Variants in NCAM2 observed in about 807,000 individuals in gnomAD.
The protein encoded by NCAM2 is N-CAM-2.
A neutral mutation model predicts 98.1 loss-of-function variants in NCAM2; 30 were observed. The ratio of observed to expected loss-of-function variants is 0.31; its 90% CI spans 0.23 to 0.41. The LOEUF is 0.41. NCAM2 is among the 10% of genes least tolerant of loss of function. NCAM2 has a pLI of 1.00. For missense variants in NCAM2, 867 were observed against 1,005.8 expected, an observed-to-expected ratio of 0.86 and a Z score of 1.87; for synonymous variants, 368 against 342.4, an observed-to-expected ratio of 1.07 and a Z score of -0.83.
intron 1 of NCAM2, among the ~76,000 whole-genome samples, chr21:21,158,105 C>T (rs987737787): frequency 2.6e-5 from 4 of 151,922 alleles, no homozygotes; most frequent in Non-Finnish European, 5.9e-5. Flanking sequence ...AGAAGGCATA[C>T]GTATAGAATA....
intron 1 of NCAM2, among the ~76,000 whole-genome samples, chr21:21,234,530 G>A (rs1464898825): frequency 2.0e-5 from 3 of 151,830 alleles, no homozygotes; most frequent in African/African-American, 2.4e-5. Context: ...TTGAAGTATC[G>A]ATTTATTTCC....
chr21:21,077,557 A>C (rs2065705456), intron 1 of NCAM2, among the ~76,000 whole-genome samples: 1 of 152,204 alleles, frequency 6.6e-6, no homozygotes, highest in Admixed American at 6.5e-5. Flanking sequence ...TGCTCTAAAA[A>C]ACCAGGACCT....
At chr21:21,244,166 G>A (rs2071174283) in intron 1 of NCAM2, among the ~76,000 whole-genome samples, 1 of 152,000 alleles carries the variant, frequency 6.6e-6, no homozygotes, top group Admixed American at 6.6e-5. Context: ...AGGAACACAG[G>A]CCATCCTCTT....
intron 12 of NCAM2, chr21:21,463,702 C>T (rs955178104): frequency 2.6e-5 from 4 of 152,080 alleles, no homozygotes; most frequent in Admixed American, 2.0e-4. Flanking sequence ...TACAGTGTAA[C>T]TAAGGAAATA....
At chr21:21,024,870 G>A (rs2064510699) in intron 1 of NCAM2, among the ~76,000 whole-genome samples, 1 of 150,978 alleles carries the variant, frequency 6.6e-6, no homozygotes, top group South Asian at 2.1e-4. Flanking sequence ...CTGGGCCAGA[G>A]AGGGTGACTC....
At chr21:21,245,012 A>C (rs1480604619) in intron 1 of NCAM2, among the ~76,000 whole-genome samples, 1 of 152,166 alleles carries the variant, frequency 6.6e-6, no homozygotes, top group East Asian at 1.9e-4. Flanking sequence ...AATAACCAGT[A>C]TTCAAGGGGG....
At chr21:21,390,681 T>G (rs747072260) in intron 9 of NCAM2, among the ~76,000 whole-genome samples, 1 of 152,212 alleles carries the variant, frequency 6.6e-6, no homozygotes, top group Non-Finnish European at 1.5e-5. Context: ...TGTTATATAT[T>G]TTTCTTTATT....
At chr21:21,118,121 C>T (rs2066600302) in intron 1 of NCAM2, among the ~76,000 whole-genome samples, 1 of 152,170 alleles carries the variant, frequency 6.6e-6, no homozygotes, top group East Asian at 1.9e-4. Context: ...CCTACCTAGA[C>T]TCTCAGCAAC....
rs113185727 is a variant in NCAM2 at position 21,006,621 on chromosome 21, T to C, written c.55+8003T>C. The stretch of plus-strand genomic sequence containing the variant: ...TTACAGAGAAAGCCTTAGCAAGCTA[T>C]GAAGACATTAAGAAAAATATGAAAA... On this transcript the variant is annotated intron_variant, in intron 1 of 17. Coordinates refer to ENST00000400546, the MANE Select transcript of NCAM2 (RefSeq NM_004540.5). Among the ~76,000 whole-genome samples, 8 of 152,302 alleles carry C rather than the reference T, an allele frequency of 5.3e-5. 1 individual carries two copies. Among genetic ancestry groups the C allele is most frequent in the African/African-American group, 1.7e-4 (7 of 41,566 alleles).
intron 1 of NCAM2, among the ~76,000 whole-genome samples, chr21:21,061,595 T>A (rs1464446055): frequency 6.6e-6 from 1 of 151,880 alleles, no homozygotes. Flanking sequence ...CTAATTATGT[T>A]GGAATCATAC....
At chr21:21,042,106 A>G (rs1034811472) in intron 1 of NCAM2, among the ~76,000 whole-genome samples, 1 of 152,180 alleles carries the variant, frequency 6.6e-6, no homozygotes, top group African/African-American at 2.4e-5. Context: ...TAAAGAATAT[A>G]AAGTTTGGAA....
At chr21:21,125,298 C>G (rs746623179) in intron 1 of NCAM2, among the ~76,000 whole-genome samples, 9 of 115,820 alleles carry the variant, frequency 7.8e-5, no homozygotes, top group South Asian at 2.9e-4. Flanking sequence ...GATGTGAGAT[C>G]TAGTTCATCT....
At chr21:21,300,873 T>C (rs1392467514) in intron 5 of NCAM2, among the ~76,000 whole-genome samples, 1 of 152,034 alleles carries the variant, frequency 6.6e-6, no homozygotes, top group African/African-American at 2.4e-5. Flanking sequence ...ATCAATCTAG[T>C]AATGCACTTC....
intron 11 of NCAM2, among the ~76,000 whole-genome samples, chr21:21,424,748 T>C (rs1190256019): frequency 6.6e-6 from 1 of 151,986 alleles, no homozygotes; most frequent in Non-Finnish European, 1.5e-5. Context: ...ATTCATCATG[T>C]TTGCAGGGCA....
chr21:21,132,951 T>A (rs1186346524), intron 1 of NCAM2, among the ~76,000 whole-genome samples: 1 of 152,194 alleles, frequency 6.6e-6, no homozygotes, highest in Non-Finnish European at 1.5e-5. Flanking sequence ...CTTGATAACA[T>A]TTATCACTTA....
intron 1 of NCAM2, among the ~76,000 whole-genome samples, chr21:21,248,330 AT>A (rs1222320861): frequency 1.3e-5 from 2 of 152,128 alleles, no homozygotes; most frequent in African/African-American, 4.8e-5. Context: ...AAATGTTAAT[AT>A]TCCCTCATCA....
chr21:21,287,650 A>G (rs1353219689), intron 4 of NCAM2, among the ~76,000 whole-genome samples: 3 of 151,990 alleles, frequency 2.0e-5, no homozygotes, highest in African/African-American at 7.2e-5. Context: ...TTAGTAGAAT[A>G]TTTTGAAGTA....
chr21:21,347,595 T>C (rs1020962490), intron 8 of NCAM2, among the ~76,000 whole-genome samples: 30 of 151,994 alleles, frequency 2.0e-4, no homozygotes, highest in Non-Finnish European at 2.7e-4. Context: ...CTAATCCCAG[T>C]CCTACTCAAA....
intron 16 of NCAM2, among the ~76,000 whole-genome samples, chr21:21,515,633 C>T (rs991886905): frequency 5.9e-5 from 9 of 152,088 alleles, no homozygotes; most frequent in East Asian, 3.9e-4. Flanking sequence ...AAAGTAATTT[C>T]GATAGAATTA....
Sources: allele counts gnomAD v4.1 joint callset (sites outside exome capture counted in the v4.1 genomes callset), GRCh38; gene constraint gnomAD v4.1.1; transcripts MANE v1.5; gene names NCBI Gene and HGNC (gene_info 2026-07-23, HGNC 2026-07-21).